Variants in ABCD2 observed in about 807,000 individuals in gnomAD.
ABCD2 encodes ATP binding cassette subfamily D member 2, also known as ATP-binding cassette sub-family D member 2.
A neutral mutation model predicts 70.9 loss-of-function variants in ABCD2; 36 were observed. That is an observed-to-expected ratio of 0.51 (90% confidence interval 0.39 to 0.67). The LOEUF is 0.67. Ranked by LOEUF, ABCD2 falls within the 30% of genes least tolerant of loss-of-function variation. The pLI is 0.00. For synonymous variants in ABCD2, 304 were observed against 306.9 expected (o/e 0.99, Z 0.10); for missense variants, 729 against 890.2 (o/e 0.82, Z 2.30).
the ABCD2 span, among the ~76,000 whole-genome samples, chr12:39,532,703 A>T: frequency 5.6e-4 from 85 of 152,368 alleles, no homozygotes; most frequent in African/African-American, 2.0e-3. Flanking sequence ...TCAACAGTGG[A>T]ACAGTGCACC....
At chr12:39,618,574 C>T in intron 1 of ABCD2, 103 bp downstream of exon 1, 1 of 1,018,932 alleles carries the variant, frequency 9.8e-7, no homozygotes, top group Non-Finnish European at 1.4e-6. Flanking sequence ...ATCTAAGACA[C>T]TAAAGAAGTG....
Position 39,553,920 on chromosome 12 carries a change from T to G in ABCD2, c.2215A>C (p.Thr739Pro). The G allele has an allele frequency of 6.2e-7, 1 of 1,602,926 alleles. No homozygotes were observed. The highest frequency in any genetic ancestry group is 2.2e-5 in the East Asian group (1 of 44,618). The change falls in exon 10 of 10, where the codon ACA (threonine) becomes CCA (proline). Residue 739 changes from threonine to proline, a missense_variant. Transcript: ENST00000308666. ...AAATATGTCAAAACAAATTAAGATG[T>G]CTCATCTTCATTTTTAATTGTTTTC... Reference protein sequence around the residue: ...VLKTIKNEDETS With the variant: ...VLKTIKNEDEPS
chr12:39,595,190 A>G (rs538032747), intron 6 of ABCD2, among the ~76,000 whole-genome samples: 1 of 152,356 alleles, frequency 6.6e-6, no homozygotes, highest in East Asian at 1.9e-4. Flanking sequence ...AGACTGTGTT[A>G]TGATTATCTG....
rs186583185 is a variant in ABCD2, at chr12:39,573,677, A to G, written c.2003+39T>C. The G allele has an allele frequency of 4.1e-4, 653 of 1,580,756 alleles. 1 individual carries two copies. The highest frequency in any genetic ancestry group is 3.8e-3 in the African/African-American group (278 of 73,690). ...AAGTTATTTTTTGAGAAATTTAAGGAAAAACCATCTACCACAAATTAGCAC... is the reference window on the plus strand; with the variant it reads ...AAGTTATTTTTTGAGAAATTTAAGGGAAAACCATCTACCACAAATTAGCAC... On this transcript the variant is annotated intron_variant, in intron 9 of 9. Coordinates refer to ENST00000308666, the MANE Select transcript of ABCD2 (RefSeq NM_005164.4).
At chr12:39,558,868 A>G (rs1479986356) in intron 9 of ABCD2, among the ~76,000 whole-genome samples, 2 of 152,322 alleles carry the variant, frequency 1.3e-5, no homozygotes, top group Middle Eastern at 3.4e-3. Context: ...AATGCAACAG[A>G]TATGAAATAA....
the ABCD2 span, among the ~76,000 whole-genome samples, chr12:39,534,734 AG>A: frequency 5.0e-3 from 632 of 125,486 alleles, 10 homozygotes; most frequent in Non-Finnish European, 4.7e-3. Flanking sequence ...AAGGAAAAGA[AG>A]GAAGGAAGGA....
the ABCD2 span, chr12:39,539,683 G>C: frequency 1.3e-5 from 2 of 153,176 alleles, no homozygotes; most frequent in Non-Finnish European, 2.9e-5. Flanking sequence ...TATTGAGAAA[G>C]GCATTAATCA....
chr12:39,558,191 A>T (rs749726711), intron 9 of ABCD2, among the ~76,000 whole-genome samples: 1 of 152,240 alleles, frequency 6.6e-6, no homozygotes, highest in Non-Finnish European at 1.5e-5. Context: ...CAGAGCTTTA[A>T]GATTTGACTG....
intron 8 of ABCD2, among the ~76,000 whole-genome samples, chr12:39,576,106 G>A (rs1941512376): frequency 6.6e-6 from 1 of 152,128 alleles, no homozygotes; most frequent in Admixed American, 6.5e-5. Flanking sequence ...ACAGATTCAG[G>A]GTGATAGTGG....
chr12:39,599,458 A>C (rs1941865975), intron 6 of ABCD2, among the ~76,000 whole-genome samples: 1 of 152,260 alleles, frequency 6.6e-6, no homozygotes, highest in South Asian at 2.1e-4. Flanking sequence ...AATTGAAAGC[A>C]TAGACAGAAA....
chr12:39,545,325 T>C (rs1180823204), downstream of ABCD2, among the ~76,000 whole-genome samples: 2 of 152,166 alleles, frequency 1.3e-5, no homozygotes, highest in Non-Finnish European at 2.9e-5. Context: ...GAAGTCTCGC[T>C]CTTATCACCC....
At chr12:39,605,836 CA>C (rs1941962442) in intron 3 of ABCD2, among the ~76,000 whole-genome samples, 1 of 145,822 alleles carries the variant, frequency 6.9e-6, no homozygotes, top group Non-Finnish European at 1.5e-5. Context: ...CGGAAAAATA[CA>C]ACAATGCTGA....
the ABCD2 span, among the ~76,000 whole-genome samples, chr12:39,543,244 T>C: frequency 6.6e-6 from 1 of 152,186 alleles, no homozygotes; most frequent in African/African-American, 2.4e-5. Flanking sequence ...CCTGAGAACA[T>C]GGAAATTCAT....
chr12:39,531,865 A>C, the ABCD2 span, among the ~76,000 whole-genome samples: 1 of 152,262 alleles, frequency 6.6e-6, no homozygotes. Context: ...AATGCCGCCC[A>C]GGGGCGCCTG....
At chr12:39,606,214 G>GACA (rs1226069489) in intron 3 of ABCD2, among the ~76,000 whole-genome samples, 1 of 152,110 alleles carries the variant, frequency 6.6e-6, no homozygotes, top group African/African-American at 2.4e-5. Context: ...GGAAGTGTCT[G>GACA]ACAAAAACTA....
intron 9 of ABCD2, among the ~76,000 whole-genome samples, chr12:39,562,135 T>C (rs1941269100): frequency 6.6e-6 from 1 of 152,068 alleles, no homozygotes; most frequent in Non-Finnish European, 1.5e-5. Context: ...AAAAATTTTC[T>C]TCTGAAAACA....
chr12:39,585,708 G>T (rs753997639), intron 7 of ABCD2, among the ~76,000 whole-genome samples: 4 of 152,098 alleles, frequency 2.6e-5, no homozygotes, highest in Non-Finnish European at 4.4e-5. Context: ...TTACCTGTGT[G>T]CTGCTTGAGA....
chr12:39,590,409 T>A (rs1293295995), intron 6 of ABCD2, among the ~76,000 whole-genome samples: 1 of 152,126 alleles, frequency 6.6e-6, no homozygotes, highest in Non-Finnish European at 1.5e-5. Context: ...AAAAGAAATA[T>A]TAACTAGTTT....
intron 7 of ABCD2, among the ~76,000 whole-genome samples, chr12:39,582,873 T>C (rs1229426614): frequency 6.6e-6 from 1 of 152,102 alleles, no homozygotes; most frequent in Non-Finnish European, 1.5e-5. Flanking sequence ...TTTTTTTTTT[T>C]TTTTAGACAG....
Sources: gnomAD v4.1 joint callset for allele counts (sites outside exome capture counted in the v4.1 genomes callset) on GRCh38, gnomAD v4.1.1 for gene constraint, MANE v1.5 for transcripts, NCBI Gene and HGNC (gene_info 2026-07-23, HGNC 2026-07-21) for gene names.